G3BP1: variants seen among roughly 807,000 people sequenced by gnomAD.
G3BP1 encodes the protein G3BP stress granule assembly factor 1, also known as ras GTPase-activating protein-binding protein 1.
In G3BP1, 35 loss-of-function variants were observed where a neutral mutation model predicts 58.6. The observed-to-expected ratio is 0.60, with a 90% CI of 0.46 to 0.79. G3BP1 has a LOEUF of 0.79. Ranked by LOEUF, G3BP1 falls within the 30% of genes least tolerant of loss-of-function variation. The pLI is 0.00. For missense variants in G3BP1, 523 were observed against 580.8 expected, an observed-to-expected ratio of 0.90 and a Z score of 1.02; for synonymous variants, 191 against 195.4, an observed-to-expected ratio of 0.98 and a Z score of 0.19.
chr5:151,792,140 G>A (rs542562489), intron 4 of G3BP1: 2 of 455,996 alleles, frequency 4.4e-6, no homozygotes, highest in Non-Finnish European at 4.4e-6. Flanking sequence ...ATGAAAGGAC[G>A]ACAAGTTTAT....
At chr5:151,796,619 C>G (rs1375927378) in intron 6 of G3BP1, among the ~76,000 whole-genome samples, 1 of 152,132 alleles carries the variant, frequency 6.6e-6, no homozygotes, top group Admixed American at 6.5e-5. Context: ...GAATTGTATT[C>G]TGAATCATAA....
intron 1 of G3BP1, among the ~76,000 whole-genome samples, chr5:151,785,926 T>TTGAATCTAATATTGCCTC: frequency 6.6e-6 from 1 of 152,210 alleles, no homozygotes; most frequent in Non-Finnish European, 1.5e-5. Context: ...ATTATTGCCT[T>TTGAATCTAATATTGCCTC]TGAATCTAAT....
At chr5:151,793,629 G>C (rs564474106) in intron 4 of G3BP1, among the ~76,000 whole-genome samples, 3 of 152,244 alleles carry the variant, frequency 2.0e-5, no homozygotes, top group Non-Finnish European at 2.9e-5. Context: ...GTGGGAGCCT[G>C]TCCTGTGCAT....
chr5:151,787,924 T>G (rs1762578712), intron 2 of G3BP1: 1 of 176,348 alleles, frequency 5.7e-6, no homozygotes, highest in Non-Finnish European at 1.2e-5. Context: ...CATGTGTGTG[T>G]GTGTGTGAGA....
chr5:151,796,465 G>A (rs998705143), intron 6 of G3BP1, among the ~76,000 whole-genome samples: 11 of 152,112 alleles, frequency 7.2e-5, no homozygotes, highest in Admixed American at 2.0e-4. Context: ...ATGGGGTTTC[G>A]CCATATTGGC....
chr5:151,787,267 A>T (rs1762569267), intron 2 of G3BP1: 1 of 152,380 alleles, frequency 6.6e-6, no homozygotes, highest in South Asian at 2.1e-4. Flanking sequence ...CTAAGAATGT[A>T]TTAAAGATTG....
intron 6 of G3BP1, among the ~76,000 whole-genome samples, chr5:151,795,800 G>C (rs1437146982): frequency 1.3e-5 from 2 of 152,180 alleles, no homozygotes; most frequent in Non-Finnish European, 2.9e-5. Context: ...AGTTTAAATA[G>C]TATCAGTTTC....
At chr5:151,793,831 C>CA (rs751382380) in intron 4 of G3BP1, among the ~76,000 whole-genome samples, 9,125 of 97,522 alleles carry the variant, frequency 0.094, 452 homozygotes, top group Middle Eastern at 0.17. Context: ...CGTCTCTACT[C>CA]AAAAAAAAAA....
intron 1 of G3BP1, among the ~76,000 whole-genome samples, chr5:151,773,353 G>C (rs1581568164): frequency 6.6e-6 from 1 of 152,270 alleles, no homozygotes; most frequent in East Asian, 1.9e-4. Context: ...TCTGTGGAGC[G>C]TGTCATGCTG....
chr5:151,809,681 G>C lies in G3BP1; in HGVS notation c.*5590G>C, dbSNP rs1186795232. ...AAGGATCAGAGAGAATTGGTTAGTA[G>C]AGTCCCAAATCTGCTTTTAGAAGTA... On this transcript the variant is annotated 3_prime_UTR_variant, in exon 12 of 12. Transcript: ENST00000356245. The C allele has an allele frequency of 6.6e-6, 1 of 152,140 alleles. No homozygotes were observed. The highest frequency in any genetic ancestry group is 1.5e-5 in the Non-Finnish European group (1 of 68,034). The allele number at this position is 152,140 out of a possible 1,614,324, so 9.4% of individuals were successfully genotyped here.
intron 1 of G3BP1, among the ~76,000 whole-genome samples, chr5:151,778,273 C>G (rs1403047831): frequency 6.6e-6 from 1 of 152,052 alleles, no homozygotes; most frequent in African/African-American, 2.4e-5. Context: ...TATGGTCAGT[C>G]TTTTTAATTT....
chr5:151,808,461 G>C lies in G3BP1; in HGVS notation c.*4370G>C, dbSNP rs532250480. The C allele has an allele frequency of 2.0e-5, 3 of 152,258 alleles. No individual in the cohort carries two copies. Among genetic ancestry groups the C allele is most frequent in the Non-Finnish European group, 4.4e-5 (3 of 68,004 alleles). 9.4% of individuals were successfully genotyped at this position (152,258 alleles called of 1,614,324 possible). A position where few individuals can be genotyped will look rare whatever the true frequency, so the allele number is the denominator to read the frequency against. ...TGCATATGTGTTGGCTTGCAATTAGGTTTTTAGTTTCTGTTTATGTGACTT... is the reference window on the plus strand; with the variant it reads ...TGCATATGTGTTGGCTTGCAATTAGCTTTTTAGTTTCTGTTTATGTGACTT... On this transcript the variant is annotated 3_prime_UTR_variant, in exon 12 of 12. Coordinates refer to ENST00000356245, the MANE Select transcript of G3BP1 (RefSeq NM_005754.3).
At chr5:151,802,903 A>G (rs1762877478) in intron 11 of G3BP1, among the ~76,000 whole-genome samples, 1 of 152,224 alleles carries the variant, frequency 6.6e-6, no homozygotes, top group African/African-American at 2.4e-5. Context: ...ACTGCACTCC[A>G]GCCTGGGCAG....
intron 1 of G3BP1, 63 bp from the exon 2 acceptor site, chr5:151,786,509 T>C (rs1762557112): frequency 2.8e-6 from 2 of 716,558 alleles, no homozygotes; most frequent in Admixed American, 4.2e-5. Flanking sequence ...GCTGAAATGA[T>C]CTTGTCTCTG....
In G3BP1 at chr5:151,791,050, C is replaced by G. The variant is rs1349184116; in HGVS notation, c.339C>G (p.Val113=). 6.2e-7 allele frequency: 1 copy of G among 1,613,094 alleles called. No individual in the cohort carries two copies. Among genetic ancestry groups the G allele is most frequent in the Admixed American group, 1.7e-5 (1 of 59,980 alleles). The change falls in exon 4 of 12, where the codon GTC becomes GTG. Residue 113 remains valine, a synonymous_variant. Transcript: ENST00000356245. ...QALRRFMQTF[V]LAPEGSVANK... ...TGAGGAGATTCATGCAAACGTTTGT[C>G]CTTGCTCCTGAGGTATGTGTAGGAA...
chr5:151,799,416 T>A (rs572699582), intron 8 of G3BP1, 103 bp downstream of exon 8: 1 of 704,176 alleles, frequency 1.4e-6, no homozygotes, highest in Admixed American at 2.1e-5. Flanking sequence ...AGGTGCAGTG[T>A]GGCTCATGCC....
intron 11 of G3BP1, among the ~76,000 whole-genome samples, chr5:151,801,132 C>T (rs1185172193): frequency 2.6e-5 from 4 of 152,056 alleles, no homozygotes; most frequent in South Asian, 2.1e-4. Context: ...CTGAGATTTA[C>T]GTAACTACCT....
chr5:151,795,607 G>A, intron 6 of G3BP1, 32 bp downstream of exon 6: 3 of 1,073,366 alleles, frequency 2.8e-6, no homozygotes, highest in African/African-American at 1.6e-5. Context: ...GTCCGGGGCT[G>A]CATAAGAACT....
rs1762904750 is a variant in G3BP1 at position 151,804,118 on chromosome 5, A to G, written c.*27A>G. On this transcript the variant is annotated 3_prime_UTR_variant, in exon 12 of 12. Coordinates refer to ENST00000356245, the MANE Select transcript of G3BP1 (RefSeq NM_005754.3). ...TCTTCATGGATCTTCATGCAGCCAT[A>G]CAAACCCTGGTTCCAACAGAATGGT... 1 of 1,503,562 alleles carries G rather than the reference A, an allele frequency of 6.7e-7. No individual in the cohort carries two copies. The highest frequency in any genetic ancestry group is 9.1e-7 in the Non-Finnish European group (1 of 1,099,688). The allele number at this position is 1,503,562 out of a possible 1,614,324, so 93.1% of individuals were successfully genotyped here. A position where few individuals can be genotyped will look rare whatever the true frequency, so the allele number is the denominator to read the frequency against.
Sources: gnomAD v4.1 joint callset for allele counts (sites outside exome capture counted in the v4.1 genomes callset) on GRCh38, gnomAD v4.1.1 for gene constraint, MANE v1.5 for transcripts, NCBI Gene and HGNC (gene_info 2026-07-23, HGNC 2026-07-21) for gene names.